The following SULT2B1 variants were observed in gnomAD, a reference collection of about 807,000 sequenced individuals.
SULT2B1 encodes the protein sulfotransferase 2B1.
A neutral mutation model predicts 33.2 loss-of-function variants in SULT2B1; 16 were observed. That is an observed-to-expected ratio of 0.48 (90% CI 0.33 to 0.73). The LOEUF (loss-of-function observed/expected upper bound fraction) is 0.73. Among genes scored for constraint, SULT2B1 ranks in the 30% least tolerant of loss-of-function variants. The pLI is 0.02. For synonymous variants in SULT2B1, 186 were observed against 200.5 expected (o/e 0.93, Z 0.61); for missense variants, 500 against 506.0 (o/e 0.99, Z 0.11).
At chr19:48,554,980 G>A (rs1448560834) in intron 1 of SULT2B1, among the ~76,000 whole-genome samples, 1 of 152,170 alleles carries the variant, frequency 6.6e-6, no homozygotes, top group Non-Finnish European at 1.5e-5. Flanking sequence ...CCAGGAAGGA[G>A]CGAGATCCAG....
At chr19:48,557,898 A>T (rs1285364808) in intron 1 of SULT2B1, among the ~76,000 whole-genome samples, 1 of 152,192 alleles carries the variant, frequency 6.6e-6, no homozygotes, top group African/African-American at 2.4e-5. Flanking sequence ...CAGCCTGGGC[A>T]ACAAGAGTGA....
chr19:48,560,743 T>G (rs950258558), intron 1 of SULT2B1, among the ~76,000 whole-genome samples: 3 of 151,394 alleles, frequency 2.0e-5, no homozygotes, highest in African/African-American at 4.9e-5. Flanking sequence ...TGTGGATCCC[T>G]TGAGGTCAGG....
In SULT2B1 at chr19:48,573,747, C is replaced by G. The variant is rs922287211; in HGVS notation, c.72-2194C>G. 2.6e-5 allele frequency among the ~76,000 whole-genome samples: 4 copies of G among 152,130 alleles called. No homozygotes were observed. In the South Asian group the frequency reaches 8.3e-4, roughly 32 times the overall value. On this transcript the variant is annotated intron_variant, in intron 1 of 6. Coordinates refer to ENST00000201586, the MANE Select transcript of SULT2B1 (RefSeq NM_177973.2). The stretch of plus-strand genomic sequence containing the variant: ...GTTCAAATCCCAGCTCTGTTCAGCT[C>G]TTGTGTGGCCACAGTCAAATCGCTT...
intron 1 of SULT2B1, among the ~76,000 whole-genome samples, chr19:48,557,859 C>T (rs555694368): frequency 1.2e-3 from 175 of 152,058 alleles, no homozygotes; most frequent in Non-Finnish European, 1.8e-3. Context: ...GCGGAGGTTG[C>T]GGTGAGTCGA....
At chr19:48,558,978 G>A (rs1220645098) in intron 1 of SULT2B1, among the ~76,000 whole-genome samples, 2 of 152,108 alleles carry the variant, frequency 1.3e-5, no homozygotes, top group East Asian at 1.9e-4. Flanking sequence ...GAGCCACCGC[G>A]ACTGGCCTGA....
chr19:48,599,287 C>A lies in SULT2B1; in HGVS notation c.979C>A (p.Pro327Thr). The change falls in exon 7 of 7, where the codon CCT (proline) becomes ACT (threonine). Residue 327 changes from proline to threonine, a missense_variant. Coordinates refer to ENST00000201586, the MANE Select transcript of SULT2B1 (RefSeq NM_177973.2). The surrounding 1 kb of genome is among the most constrained non-coding windows in gnomAD (Gnocchi z 4.1). ...CCCAGATCCTGAGCCCAGCCCTGAG[C>A]CTGAGCCCAAGCCCAGCCTTGAGCC... Reference protein sequence around the residue: ...GSPDPEPSPEPEPKPSLEPNT... With the variant: ...GSPDPEPSPETEPKPSLEPNT... 6.2e-7 allele frequency: 1 copy of A among 1,610,690 alleles called. No individual in the cohort carries two copies.
intron 1 of SULT2B1, among the ~76,000 whole-genome samples, chr19:48,574,198 C>G (rs1217187537): frequency 2.0e-5 from 3 of 152,206 alleles, no homozygotes; most frequent in Non-Finnish European, 4.4e-5. Context: ...GCACCCAAGG[C>G]TGAGAACTGC....
intron 2 of SULT2B1, among the ~76,000 whole-genome samples, chr19:48,579,219 T>C (rs530747280): frequency 3.0e-4 from 45 of 152,314 alleles, no homozygotes; most frequent in African/African-American, 1.1e-3. Context: ...TTGATAAGCA[T>C]TTGGATTATT....
At chr19:48,596,608 G>A in intron 5 of SULT2B1, 131 bp from the exon 6 acceptor site, 1 of 978,354 alleles carries the variant, frequency 1.0e-6, no homozygotes, top group Non-Finnish European at 1.5e-6. Flanking sequence ...TTGGAGTTGG[G>A]GAAACTGAGG....
In SULT2B1 at chr19:48,576,359, C is replaced by CTTTTCTTTTTTTT; in HGVS notation, c.214+280_214+281insCTTTTTTTTTTTT. On this transcript the variant is annotated intron_variant, in intron 2 of 6. Coordinates refer to ENST00000201586, the MANE Select transcript of SULT2B1 (RefSeq NM_177973.2). ...CCTTTCCCCTTTACCCTCTACTTCT[C>CTTTTCTTTTTTTT]TTTTTTTTTTTTTTTTTTGTAGAGA... Among the ~76,000 whole-genome samples the CTTTTCTTTTTTTT allele has an allele frequency of 4.0e-3, 386 of 96,650 alleles. 40 individuals are homozygous for CTTTTCTTTTTTTT. The highest frequency in any genetic ancestry group is 0.014 in the East Asian group (49 of 3,430). The allele number at this position is 96,650 out of a possible 152,430, so 63.4% of individuals were successfully genotyped here.
At chr19:48,558,919 C>T (rs1332709448) in intron 1 of SULT2B1, among the ~76,000 whole-genome samples, 7 of 152,030 alleles carry the variant, frequency 4.6e-5, no homozygotes, top group African/African-American at 1.7e-4. Flanking sequence ...CTCCTGACCT[C>T]GGATGATCCA....
chr19:48,583,556 G>A (rs1203322086), intron 2 of SULT2B1, among the ~76,000 whole-genome samples: 1 of 152,246 alleles, frequency 6.6e-6, no homozygotes, highest in African/African-American at 2.4e-5. Context: ...AGTGGCTCAT[G>A]CCTGTAATCC....
At chr19:48,597,829 GAGACAGGTTTTCACCGTGTT>G (rs1266152893) in intron 6 of SULT2B1, among the ~76,000 whole-genome samples, 2 of 150,170 alleles carry the variant, frequency 1.3e-5, no homozygotes, top group Non-Finnish European at 3.0e-5. Context: ...ATTTCTAGTA[GAGACAGGTTTTCACCGTGTT>G]AGCCAGGATG....
At chr19:48,591,999 C>G (rs1973649883) in intron 4 of SULT2B1, among the ~76,000 whole-genome samples, 1 of 151,774 alleles carries the variant, frequency 6.6e-6, no homozygotes, top group Non-Finnish European at 1.5e-5. Context: ...GAGAGGGCAA[C>G]AAAAGAGACA....
At chr19:48,584,529 T>G (rs1973537875) in intron 2 of SULT2B1, among the ~76,000 whole-genome samples, 1 of 140,156 alleles carries the variant, frequency 7.1e-6, no homozygotes, top group Non-Finnish European at 1.5e-5. Flanking sequence ...AGCTCCAATA[T>G]CACAAAAACG....
At position 48,552,315 on chromosome 19, in the gene SULT2B1, G is replaced by A. The variant is rs986532757; in HGVS notation, c.63G>A (p.Ser21=). 36 of 1,613,882 alleles carry A rather than the reference G, an allele frequency of 2.2e-5. No homozygotes were observed. The highest frequency in any genetic ancestry group is 2.6e-5 in the Non-Finnish European group (31 of 1,179,952). The part of the protein sequence containing the change: ...GLWDTYEDDI[S]EISQKLPGEY... ...GGGACACCTATGAAGATGACATCTC[G>A]GAAATCAGGTGAGGCCCAGACCTGG... Residue 21 remains serine (S), a synonymous_variant, in exon 1 of 7, where the codon TCG becomes TCA. Coordinates refer to ENST00000201586, the MANE Select transcript of SULT2B1 (RefSeq NM_177973.2). This position sits in a 1 kb window ranked among gnomAD's most constrained non-coding sequence, Gnocchi z 4.8.
rs1973041450 is a variant in SULT2B1, at chr19:48,552,386, C to A, written c.71+63C>A. 3 of 1,571,480 alleles carry A rather than the reference C, an allele frequency of 1.9e-6. No individual in the cohort carries two copies. In the Admixed American group the frequency reaches 5.4e-5, roughly 28 times the overall value. On this transcript the variant is annotated intron_variant, in intron 1 of 6. Coordinates refer to ENST00000201586, the MANE Select transcript of SULT2B1 (RefSeq NM_177973.2). This position sits in a 1 kb window ranked among gnomAD's most constrained non-coding sequence, Gnocchi z 4.8. Reference sequence around the variant, plus strand: ...GGGAGGAGGTGGCTGTTTGGGGGAGCCGGGGACTGTGGCAAGGGTGGCCTC... The same window carrying A: ...GGGAGGAGGTGGCTGTTTGGGGGAGACGGGGACTGTGGCAAGGGTGGCCTC...
At chr19:48,568,498 C>T (rs1973273030) in intron 1 of SULT2B1, among the ~76,000 whole-genome samples, 2 of 152,052 alleles carry the variant, frequency 1.3e-5, no homozygotes, top group African/African-American at 2.4e-5. Context: ...ACACTCCTGC[C>T]AAGAGAGTAT....
chr19:48,570,718 G>GTTTC (rs112015521), intron 1 of SULT2B1, among the ~76,000 whole-genome samples: 97,945 of 151,048 alleles, frequency 0.65, 32,525 homozygotes, highest in African/African-American at 0.75. Flanking sequence ...TTTGTTTTCC[G>GTTTC]TTTTTGTTTT....
Sources: allele counts gnomAD v4.1 joint callset (sites outside exome capture counted in the v4.1 genomes callset), GRCh38; gene constraint gnomAD v4.1.1; non-coding constraint Gnocchi (gnomAD v3.1); transcripts MANE v1.5; gene names NCBI Gene and HGNC (gene_info 2026-07-23, HGNC 2026-07-21).